The following TMTC3 variants were observed in gnomAD, a reference collection of about 807,000 sequenced individuals.
The protein encoded by TMTC3 is transmembrane O-mannosyltransferase targeting cadherins 3, also known as protein O-mannosyl-transferase TMTC3.
Under a neutral mutation model 92.2 loss-of-function variants are expected in TMTC3, and 52 were observed. The observed-to-expected ratio is 0.56, with a 90% CI of 0.45 to 0.71. TMTC3 has a LOEUF of 0.71. Among genes scored for constraint, TMTC3 ranks in the 30% least tolerant of loss-of-function variants. TMTC3 has a pLI of 0.00. For synonymous variants in TMTC3, 339 were observed against 363.3 expected, an observed-to-expected ratio of 0.93 and a Z score of 0.76; for missense variants, 896 against 1,057.1, an observed-to-expected ratio of 0.85 and a Z score of 2.11.
chr12:88,145,321 A>G lies in TMTC3; in HGVS notation c.-29+2834A>G, dbSNP rs561519594. ...TCCAGTTTCCTCATGTTGAAGGAAG[A>G]CAAGTATCTGCTTGCTGCACACTCA... On this transcript the variant is annotated intron_variant, in intron 1 of 13. Coordinates refer to ENST00000266712, the MANE Select transcript of TMTC3 (RefSeq NM_181783.4). Among the ~76,000 whole-genome samples the G allele has an allele frequency of 4.6e-5, 7 of 152,280 alleles. No individual in the cohort carries two copies. The South Asian group carries it at 1.5e-3, about 32-fold the overall frequency.
rs1307928774 is a variant in TMTC3 at position 88,172,648 on chromosome 12, C to G, written c.1102C>G (p.Pro368Ala). 8 of 1,553,252 alleles carry G rather than the reference C, an allele frequency of 5.2e-6. No homozygotes were observed. The highest frequency in any genetic ancestry group is 6.1e-6 in the Non-Finnish European group (7 of 1,152,464). Residue 368 changes from proline to alanine, a missense_variant, in exon 8 of 14, where the codon CCA (proline) becomes GCA (alanine). Physicochemically the swap from Pro to Ala is conservative, Grantham distance 27. Transcript: ENST00000266712. Reference protein sequence around the residue: ...PFIPASNLFFPVGFVVAERVL... With the variant: ...PFIPASNLFFAVGFVVAERVL... ...TATTCCTGCATCGAACCTTTTTTTT[C>G]CAGTTGGATTTGTTGTTGCCGAGCG...
Position 88,198,267 on chromosome 12 carries a change from C to G in TMTC3, c.*2618C>G. 2.5e-6 allele frequency: 1 copy of G among 397,186 alleles called. No homozygotes were observed. Among genetic ancestry groups the G allele is most frequent in the Non-Finnish European group, 4.4e-6 (1 of 225,368 alleles). The allele number at this position is 397,186 out of a possible 1,614,324, so 24.6% of individuals were successfully genotyped here. A position where few individuals can be genotyped will look rare whatever the true frequency, so the allele number is the denominator to read the frequency against. Reference sequence around the variant, plus strand: ...TGGAGGAGGTGGGCACATTTAAGGTCAGTTCACTAACCTATGGTTCAGAGT... The same window carrying G: ...TGGAGGAGGTGGGCACATTTAAGGTGAGTTCACTAACCTATGGTTCAGAGT... On this transcript the variant is annotated 3_prime_UTR_variant, in exon 14 of 14. Coordinates refer to ENST00000266712, the MANE Select transcript of TMTC3 (RefSeq NM_181783.4).
chr12:88,166,219 C>T, intron 6 of TMTC3, 111 bp from the exon 7 acceptor site: 2 of 1,082,858 alleles, frequency 1.8e-6, no homozygotes, highest in Non-Finnish European at 2.6e-6. Flanking sequence ...TCTGTGTCTT[C>T]TGTTTAATAA....
chr12:88,160,186 T>C lies in TMTC3; in HGVS notation c.581T>C (p.Val194Ala). The change falls in exon 5 of 14, where the codon GTT becomes GCT. Residue 194 changes from valine to alanine, a missense_variant. By Grantham distance (64) the Val-to-Ala change is moderately conservative. Transcript: ENST00000266712. ...ATLCKEQGIT[V>A]VGICCVYEVF... ...TTATGTAAAGAACAAGGAATAACAG[T>C]TGTAGGAATTTGCTGTGTGTATGAA... 2 of 1,589,078 alleles carry C rather than the reference T, an allele frequency of 1.3e-6. No homozygotes were observed. Among genetic ancestry groups the C allele is most frequent in the Non-Finnish European group, 1.7e-6 (2 of 1,170,050 alleles).
intron 6 of TMTC3, among the ~76,000 whole-genome samples, chr12:88,163,497 C>T (rs1423746421): frequency 6.6e-6 from 1 of 152,066 alleles, no homozygotes; most frequent in Non-Finnish European, 1.5e-5. Context: ...GAAATTTGTT[C>T]CCTCACAGTT....
Position 88,195,688 on chromosome 12 carries a change from A to C in TMTC3, c.*39A>C. 4.0e-6 allele frequency: 6 copies of C among 1,512,020 alleles called. No homozygotes were observed. The highest frequency in any genetic ancestry group is 5.3e-6 in the Non-Finnish European group (6 of 1,125,076). 93.7% of individuals were successfully genotyped at this position (1,512,020 alleles called of 1,614,324 possible). On this transcript the variant is annotated 3_prime_UTR_variant, in exon 14 of 14. Transcript: ENST00000266712. ...CGTGACAATGGTATCAAAGAACATC[A>C]ATCCGTATCATGTGATTGCTTTTAC...
chr12:88,195,449 A>C lies in TMTC3; in HGVS notation c.2545A>C (p.Ile849Leu), dbSNP rs747637260. ...AATTCCAACTGAAAGTGTAAAAGAA[A>C]TTAGAGGTGAATCCAGACAAACACA... ...KKIPTESVKE[I>L]RGESRQTQIV... Residue 849 changes from isoleucine (I) to leucine (L), a missense_variant, in exon 14 of 14, where the codon ATT becomes CTT. Ile to Leu is a conservative substitution (Grantham distance 5). Transcript: ENST00000266712. 1.2e-6 allele frequency: 2 copies of C among 1,613,422 alleles called. No homozygotes were observed. The highest frequency in any genetic ancestry group is 2.2e-5 in the South Asian group (2 of 90,934).
At chr12:88,168,067 G>A (rs1565949881) in intron 7 of TMTC3, among the ~76,000 whole-genome samples, 1 of 152,150 alleles carries the variant, frequency 6.6e-6, no homozygotes. Flanking sequence ...AGTGAAAAGA[G>A]AAGATACCTA....
rs1337195641 is a variant in TMTC3, at chr12:88,173,167, A to T, written c.1199+422A>T. The T allele has an allele frequency of 2.8e-6, 3 of 1,075,418 alleles. No homozygotes were observed. The African/African-American group carries it at 5.0e-5, about 18-fold the overall frequency. The allele number at this position is 1,075,418 out of a possible 1,614,324, so 66.6% of individuals were successfully genotyped here. ...ATTTCTTGCTATCATCACTATCTTC[A>T]TTATAATCTTTGTATCCTAGTTGCC... On this transcript the variant is annotated intron_variant, in intron 8 of 13. Coordinates refer to ENST00000266712, the MANE Select transcript of TMTC3 (RefSeq NM_181783.4).
At chr12:88,188,501 C>A (rs940957785) in intron 10 of TMTC3, among the ~76,000 whole-genome samples, 1 of 152,028 alleles carries the variant, frequency 6.6e-6, no homozygotes, top group Non-Finnish European at 1.5e-5. Context: ...ATAAAAATTT[C>A]TTCATTACCT....
chr12:88,182,786 G>A (rs2041332740), intron 10 of TMTC3, among the ~76,000 whole-genome samples: 4 of 152,168 alleles, frequency 2.6e-5, no homozygotes, highest in African/African-American at 9.7e-5. Flanking sequence ...GGACTGTTCA[G>A]CATCCCTTGA....
At chr12:88,163,796 A>C (rs1357474631) in intron 6 of TMTC3, among the ~76,000 whole-genome samples, 1 of 152,250 alleles carries the variant, frequency 6.6e-6, no homozygotes, top group African/African-American at 2.4e-5. Context: ...ACTATTTTCA[A>C]ATAACACCAC....
rs1470423570 is a variant in TMTC3, at chr12:88,142,405, TGACTGTG to T, written c.-109_-103del. On this transcript the variant is annotated 5_prime_UTR_variant, in exon 1 of 14. An upstream open reading frame in the 5' UTR gains an earlier in-frame stop. Coordinates refer to ENST00000266712, the MANE Select transcript of TMTC3 (RefSeq NM_181783.4). ...CTGGTGGCCTGAACGAGGTAGACCATGACTGTGGTTTCAGTGGCGTCACTCGCTGGGC... is the reference window on the plus strand; with the variant it reads ...CTGGTGGCCTGAACGAGGTAGACCATGTTTCAGTGGCGTCACTCGCTGGGC... The T allele has an allele frequency of 1.3e-5, 2 of 152,410 alleles. No individual in the cohort carries two copies. The highest frequency in any genetic ancestry group is 2.9e-5 in the Non-Finnish European group (2 of 68,258). The allele number at this position is 152,410 out of a possible 1,614,324, so 9.4% of individuals were successfully genotyped here.
chr12:88,191,876 A>G (rs967428368), intron 12 of TMTC3, among the ~76,000 whole-genome samples: 3 of 151,558 alleles, frequency 2.0e-5, no homozygotes, highest in African/African-American at 7.3e-5. Context: ...TGCCTGGCAA[A>G]TTTCTGTATT....
chr12:88,159,957 TA>T (rs2041056360), intron 4 of TMTC3, among the ~76,000 whole-genome samples, 156 bp from the exon 5 acceptor site: 1 of 152,084 alleles, frequency 6.6e-6, no homozygotes, highest in Non-Finnish European at 1.5e-5. Context: ...ATGTATAAAG[TA>T]AAAATTATTA....
intron 6 of TMTC3, among the ~76,000 whole-genome samples, chr12:88,164,424 T>A (rs2041119974): frequency 6.6e-6 from 1 of 152,044 alleles, no homozygotes; most frequent in South Asian, 2.1e-4. Flanking sequence ...ATCCAGGTAC[T>A]AAACTCTTTC....
rs755700691 is a variant in TMTC3, at chr12:88,153,291, G to A, written c.190G>A (p.Glu64Lys). 3 of 1,603,476 alleles carry A rather than the reference G, an allele frequency of 1.9e-6. No individual in the cohort carries two copies. Among genetic ancestry groups the A allele is most frequent in the South Asian group, 1.1e-5 (1 of 89,446 alleles). The change falls in exon 3 of 14, where the codon GAG becomes AAG. Residue 64 changes from glutamate to lysine, a missense_variant and splice_region_variant. Transcript: ENST00000266712. ...NDFWGTPMSEERSHKSYRPLT... is the reference protein window; with the variant it reads ...NDFWGTPMSEKRSHKSYRPLT... ...ATCACTGATCGTTTTTTCCTTGTAG[G>A]AGAGAAGCCACAAGTCTTACCGTCC...
intron 6 of TMTC3, among the ~76,000 whole-genome samples, chr12:88,165,595 A>G (rs982193309): frequency 6.6e-6 from 1 of 152,096 alleles, no homozygotes; most frequent in Non-Finnish European, 1.5e-5. Context: ...TCTTTTAAGT[A>G]CTATATATTA....
chr12:88,159,105 G>A (rs2041045551), intron 4 of TMTC3, among the ~76,000 whole-genome samples: 1 of 147,882 alleles, frequency 6.8e-6, no homozygotes, highest in Non-Finnish European at 1.5e-5. Context: ...AGATCACACA[G>A]TCATACTACC....
Sources: allele counts gnomAD v4.1 joint callset (sites outside exome capture counted in the v4.1 genomes callset), GRCh38; gene constraint gnomAD v4.1.1; transcripts MANE v1.5; gene names NCBI Gene and HGNC (gene_info 2026-07-23, HGNC 2026-07-21).